The following CDC14A variants were observed in gnomAD, a reference collection of about 807,000 sequenced individuals.
The protein encoded by CDC14A is dual specificity protein phosphatase CDC14A.
Under a neutral mutation model 74.4 loss-of-function variants are expected in CDC14A, and 53 were observed. That is an observed-to-expected ratio of 0.71 (90% CI 0.57 to 0.89). CDC14A has a LOEUF of 0.89. Among genes scored for constraint, CDC14A ranks in the 40% least tolerant of loss-of-function variants. The pLI, the probability that CDC14A is intolerant of heterozygous loss-of-function variation, is 0.00. For synonymous variants in CDC14A, 247 were observed against 258.4 expected (o/e 0.96, Z 0.43); for missense variants, 646 against 713.7 (o/e 0.91, Z 1.08).
intron 4 of CDC14A, among the ~76,000 whole-genome samples, chr1:100,405,049 C>T (rs1659769123): frequency 1.3e-5 from 2 of 152,126 alleles, no homozygotes; most frequent in African/African-American, 4.8e-5. Context: ...TCAGACAATT[C>T]TTTCAAGAGT....
At chr1:100,393,047 G>T in intron 4 of CDC14A, 1 of 1,395,924 alleles carries the variant, frequency 7.2e-7, no homozygotes, top group Non-Finnish European at 1.0e-6. Context: ...AAGTCTTGCC[G>T]GATGTTTTCT....
rs142338967 is a variant in CDC14A at position 100,447,970 on chromosome 1, G to T, written c.519+4974G>T. Among the ~76,000 whole-genome samples, 357 of 152,328 alleles carry T rather than the reference G, an allele frequency of 2.3e-3. 1 individual carries two copies. The highest frequency in any genetic ancestry group is 3.8e-3 in the Non-Finnish European group (261 of 68,034). ...TTTGTTATTTTGCTTGTCCCCAAGG[G>T]CTTTCCGCTATTTACCAAAAGGCTT... On this transcript the variant is annotated intron_variant, in intron 7 of 15. Transcript: ENST00000336454.
chr1:100,459,442 T>C (rs1483981432), intron 8 of CDC14A, among the ~76,000 whole-genome samples: 1 of 152,144 alleles, frequency 6.6e-6, no homozygotes, highest in Non-Finnish European at 1.5e-5. Context: ...AGATAGCAGG[T>C]ATTATGGTTA....
intron 9 of CDC14A, among the ~76,000 whole-genome samples, chr1:100,465,377 C>T (rs1425682196): frequency 6.6e-6 from 1 of 152,138 alleles, no homozygotes; most frequent in Non-Finnish European, 1.5e-5. Flanking sequence ...ATTTCATTTT[C>T]TTCCACTTGC....
At chr1:100,414,830 G>C (rs1661323388) in intron 4 of CDC14A, among the ~76,000 whole-genome samples, 1 of 152,152 alleles carries the variant, frequency 6.6e-6, no homozygotes, top group African/African-American at 2.4e-5. Flanking sequence ...AAGGGACTGA[G>C]GTTATTTTGG....
chr1:100,373,536 G>A (rs915924127), intron 2 of CDC14A, among the ~76,000 whole-genome samples: 30 of 152,144 alleles, frequency 2.0e-4, no homozygotes, highest in East Asian at 1.9e-4. Flanking sequence ...GGGTTGCCAC[G>A]GTTCTTCAAT....
At chr1:100,489,639 T>C (rs1409636896) in intron 11 of CDC14A, among the ~76,000 whole-genome samples, 4 of 152,092 alleles carry the variant, frequency 2.6e-5, no homozygotes, top group African/African-American at 9.7e-5. Context: ...CTAAATGATA[T>C]TACTAAAATA....
chr1:100,375,820 A>G lies in CDC14A; in HGVS notation c.141-1726A>G, dbSNP rs187666888. 5.2e-3 allele frequency among the ~76,000 whole-genome samples: 790 copies of G among 152,326 alleles called. 8 individuals carry two copies. Among genetic ancestry groups the G allele is most frequent in the African/African-American group, 0.018 (758 of 41,560 alleles). Reference sequence around the variant, plus strand: ...TGGGTGTATACCCAAAGAATTATAAATCATGCTGCTATAAAGACACATTCA... The same window carrying G: ...TGGGTGTATACCCAAAGAATTATAAGTCATGCTGCTATAAAGACACATTCA... On this transcript the variant is annotated intron_variant, in intron 2 of 15. Coordinates refer to ENST00000336454, the MANE Select transcript of CDC14A (RefSeq NM_003672.4).
chr1:100,405,440 C>A (rs1213944457), intron 4 of CDC14A, among the ~76,000 whole-genome samples: 2 of 152,116 alleles, frequency 1.3e-5, no homozygotes, highest in African/African-American at 2.4e-5. Context: ...AGGTTTGTTA[C>A]ATAGGTAAAT....
At position 100,377,553 on chromosome 1, in the gene CDC14A, G is replaced by T; in HGVS notation, c.148G>T (p.Ala50Ser). The T allele has an allele frequency of 6.2e-7, 1 of 1,611,648 alleles. No individual in the cohort carries two copies. The highest frequency in any genetic ancestry group is 8.5e-7 in the Non-Finnish European group (1 of 1,178,616). The change falls in exon 3 of 16, where the codon GCA (alanine) becomes TCA (serine). Residue 50 changes from alanine to serine, a missense_variant. Coordinates refer to ENST00000336454, the MANE Select transcript of CDC14A (RefSeq NM_003672.4). ...GTTTTTCTTGTATCTTAGTTTCTAT[G>T]CAGATTTTGGACCGCTGAACTTGGC... ...DEELVYENFY[A>S]DFGPLNLAMV...
chr1:100,409,371 T>C (rs1028884801), intron 4 of CDC14A, among the ~76,000 whole-genome samples: 4 of 152,098 alleles, frequency 2.6e-5, no homozygotes, highest in Admixed American at 2.0e-4. Flanking sequence ...AAATTTCATG[T>C]CCTCCCATTT....
chr1:100,470,663 A>G (rs1006823961), intron 10 of CDC14A, among the ~76,000 whole-genome samples: 2 of 152,184 alleles, frequency 1.3e-5, no homozygotes, highest in Non-Finnish European at 2.9e-5. Context: ...CCTTGGCCAG[A>G]TATCTCATAG....
chr1:100,471,524 A>G lies in CDC14A; in HGVS notation c.977+3430A>G, dbSNP rs548509266. 2.0e-3 allele frequency among the ~76,000 whole-genome samples: 302 copies of G among 152,306 alleles called. 1 individual carries two copies. The highest frequency in any genetic ancestry group is 6.7e-3 in the African/African-American group (278 of 41,590). On this transcript the variant is annotated intron_variant, in intron 10 of 15. Coordinates refer to ENST00000336454, the MANE Select transcript of CDC14A (RefSeq NM_003672.4). ...TTGAGAGAAATTAAAGAAGATATAA[A>G]TAAGTGAAAAGATAAAGATTATCTT...
chr1:100,359,715 A>G (rs561049658), intron 2 of CDC14A, among the ~76,000 whole-genome samples: 2 of 152,214 alleles, frequency 1.3e-5, no homozygotes, highest in East Asian at 1.9e-4. Flanking sequence ...CCCAGTTTTT[A>G]TAAGCCTATG....
intron 15 of CDC14A, among the ~76,000 whole-genome samples, chr1:100,506,281 ATCCT>A (rs1404758079): frequency 6.6e-6 from 1 of 152,108 alleles, no homozygotes; most frequent in East Asian, 1.9e-4. Flanking sequence ...GTGGTTTTTC[ATCCT>A]TCCTCTTTGT....
At position 100,469,629 on chromosome 1, in the gene CDC14A, G is replaced by T. The variant is rs147995469; in HGVS notation, c.977+1535G>T. On this transcript the variant is annotated intron_variant, in intron 10 of 15. Coordinates refer to ENST00000336454, the MANE Select transcript of CDC14A (RefSeq NM_003672.4). Reference sequence around the variant, plus strand: ...AAAAAACCAAATACTCCTAAGCCTAGTTCTTTAAGCCATTTAATCAATGTC... The same window carrying T: ...AAAAAACCAAATACTCCTAAGCCTATTTCTTTAAGCCATTTAATCAATGTC... 2.0e-5 allele frequency among the ~76,000 whole-genome samples: 3 copies of T among 152,296 alleles called. No individual in the cohort carries two copies. The East Asian group carries it at 5.8e-4, about 29-fold the overall frequency.
intron 4 of CDC14A, among the ~76,000 whole-genome samples, chr1:100,408,324 G>A (rs867838464): frequency 2.9e-4 from 44 of 152,248 alleles, no homozygotes; most frequent in African/African-American, 9.9e-4. Context: ...CCATTGATGG[G>A]TATTTAGGTT....
upstream of CDC14A, among the ~76,000 whole-genome samples, chr1:100,349,987 C>CTT (rs61231546): frequency 0.94 from 141,680 of 150,786 alleles, 66,591 homozygotes; most frequent in East Asian, 0.98. Flanking sequence ...TAGTTTTGCT[C>CTT]GTCACCCAGG....
intron 15 of CDC14A, chr1:100,504,924 T>C (rs1166778196): frequency 6.5e-7 from 1 of 1,532,346 alleles, no homozygotes; most frequent in Non-Finnish European, 8.7e-7. Flanking sequence ...ATGTCTTCTG[T>C]GAAGCTCTCC....
Sources: allele counts gnomAD v4.1 joint callset (sites outside exome capture counted in the v4.1 genomes callset), GRCh38; gene constraint gnomAD v4.1.1; transcripts MANE v1.5; gene names NCBI Gene and HGNC (gene_info 2026-07-23, HGNC 2026-07-21).